STAT4: variants seen among roughly 807,000 people sequenced by gnomAD.
STAT4 encodes signal transducer and activator of transcription 4.
A neutral mutation model predicts 110.5 loss-of-function variants in STAT4; 42 were observed. The observed-to-expected ratio is 0.38, with a 90% confidence interval of 0.30 to 0.49. STAT4 has a LOEUF of 0.49. STAT4 is among the 20% of genes least tolerant of loss of function. The probability of loss-of-function intolerance (pLI) is 0.95; values close to 1 mark genes in which losing one functional copy is unlikely to be tolerated. For synonymous variants in STAT4, 284 were observed against 302.2 expected (o/e 0.94, Z 0.63); for missense variants, 632 against 887.9 (o/e 0.71, Z 3.66).
At chr2:191,079,732 T>C (rs1285319882) in intron 3 of STAT4, among the ~76,000 whole-genome samples, 1 of 152,090 alleles carries the variant, frequency 6.6e-6, no homozygotes, top group African/African-American at 2.4e-5. Context: ...TTTCTATACA[T>C]AGGGATTTTC....
In STAT4 at chr2:191,073,082, G is replaced by A. The variant is rs1471385140; in HGVS notation, c.465+16C>T. On this transcript the variant is annotated intron_variant, in intron 5 of 23. Transcript: ENST00000392320. ...CAGTATCTAGACTTTCTAGGTATCT[G>A]TATAAAAGCACTTACCTGCACACTG... 2 of 1,610,302 alleles carry A rather than the reference G, an allele frequency of 1.2e-6. No homozygotes were observed. The highest frequency in any genetic ancestry group is 3.3e-5 in the Admixed American group (2 of 59,966).
rs1010475076 is a variant in STAT4, at chr2:191,113,771, T to G, written c.273+32842A>C. Among the ~76,000 whole-genome samples the G allele has an allele frequency of 7.9e-5, 12 of 152,296 alleles. No homozygotes were observed. The highest frequency in any genetic ancestry group is 3.4e-3 in the Middle Eastern group (1 of 294). The stretch of plus-strand genomic sequence containing the variant: ...CAGTATAAAGAAAATCTGTGAAAAT[T>G]CCTTATTTTTTAAAAGTACACTTTT... On this transcript the variant is annotated intron_variant, in intron 3 of 23. Transcript: ENST00000392320. This position sits in a 1 kb window ranked among gnomAD's most constrained non-coding sequence, Gnocchi z 4.8.
Position 191,036,531 on chromosome 2 carries a change from T to C in STAT4, c.1435-232A>G, listed in dbSNP as rs545748141. Among the ~76,000 whole-genome samples the C allele has an allele frequency of 2.0e-5, 3 of 152,282 alleles. No homozygotes were observed. In the East Asian group the frequency reaches 5.8e-4, roughly 29 times the overall value. On this transcript the variant is annotated intron_variant, in intron 16 of 23. Transcript: ENST00000392320. ...AAAACACCTAAAACTGTTCAGCAGC[T>C]TCCCAGTATGATCTCAGGAGTGGAG...
chr2:191,036,768 T>C (rs562530674), intron 16 of STAT4, among the ~76,000 whole-genome samples: 3 of 152,384 alleles, frequency 2.0e-5, no homozygotes, highest in East Asian at 3.9e-4. Flanking sequence ...AGTTGAATTC[T>C]TTCTTCTGAG....
rs115113750 is a variant in STAT4, at chr2:191,061,204, T to C, written c.1034+525A>G. Reference sequence around the variant, plus strand: ...TAGGGACATATGGAAAACTGTGGTATTGGGAGTTTTTGTGGAAAGTCTAAT... The same window carrying C: ...TAGGGACATATGGAAAACTGTGGTACTGGGAGTTTTTGTGGAAAGTCTAAT... On this transcript the variant is annotated intron_variant, in intron 10 of 23. Transcript: ENST00000392320. The surrounding 1 kb of genome is among the most constrained non-coding windows in gnomAD (Gnocchi z 6.2). Among the ~76,000 whole-genome samples, 228 of 152,294 alleles carry C rather than the reference T, an allele frequency of 1.5e-3. No individual in the cohort carries two copies. Among genetic ancestry groups the C allele is most frequent in the Middle Eastern group, 3.4e-3 (1 of 294 alleles).
In STAT4 at chr2:191,144,400, C is replaced by A. The variant is rs1699408751; in HGVS notation, c.273+2213G>T. ...TGGAAGAGCATTCCTGGCCATAGGA[C>A]CGTCATGGACAAGGCTGAGTCATTC... is the stretch of plus-strand genomic sequence containing the variant. On this transcript the variant is annotated intron_variant, in intron 3 of 23. Transcript: ENST00000392320. The surrounding 1 kb of genome is among the most constrained non-coding windows in gnomAD (Gnocchi z 4.7). Among the ~76,000 whole-genome samples the A allele has an allele frequency of 6.6e-6, 1 of 152,042 alleles. No homozygotes were observed. The highest frequency in any genetic ancestry group is 2.4e-5 in the African/African-American group (1 of 41,372).
At position 191,039,443 on chromosome 2, in the gene STAT4, G is replaced by A; in HGVS notation, c.1336-146C>T. ...TCCATGGTGCCCTGGTCACTGAAAT[G>A]ACTTGTGAAGGCCATGGAACTTTCT... On this transcript the variant is annotated intron_variant, in intron 15 of 23. Coordinates refer to ENST00000392320, the MANE Select transcript of STAT4 (RefSeq NM_003151.4). The surrounding 1 kb of genome is among the most constrained non-coding windows in gnomAD (Gnocchi z 4.7). 1.5e-6 allele frequency: 1 copy of A among 661,584 alleles called. No individual in the cohort carries two copies. The highest frequency in any genetic ancestry group is 1.8e-5 in the African/African-American group (1 of 56,040). The allele number at this position is 661,584 out of a possible 1,614,324, so 41.0% of individuals were successfully genotyped here.
chr2:191,074,988 T>C (rs1222018638), intron 4 of STAT4, among the ~76,000 whole-genome samples: 1 of 152,058 alleles, frequency 6.6e-6, no homozygotes, highest in Admixed American at 6.6e-5. Context: ...TAGTGAAATC[T>C]GTCTCTACTA....
Position 191,061,651 on chromosome 2 carries a change from A to G in STAT4, c.1034+78T>C, listed in dbSNP as rs980012258. On this transcript the variant is annotated intron_variant, in intron 10 of 23. Coordinates refer to ENST00000392320, the MANE Select transcript of STAT4 (RefSeq NM_003151.4). This position sits in a 1 kb window ranked among gnomAD's most constrained non-coding sequence, Gnocchi z 6.2. ...AAAGAACAGCTGAATGCAAGCCACAATGAGAGAAATTGGCCTTGATCATCC... is the reference window on the plus strand; with the variant it reads ...AAAGAACAGCTGAATGCAAGCCACAGTGAGAGAAATTGGCCTTGATCATCC... 12 of 1,311,544 alleles carry G rather than the reference A, an allele frequency of 9.1e-6. No individual in the cohort carries two copies. Among genetic ancestry groups the G allele is most frequent in the Non-Finnish European group, 1.1e-5 (10 of 905,532 alleles). The allele number at this position is 1,311,544 out of a possible 1,614,324, so 81.2% of individuals were successfully genotyped here.
In STAT4 at chr2:191,107,986, A is replaced by T. The variant is rs1698325410; in HGVS notation, c.274-31661T>A. Reference sequence around the variant, plus strand: ...TAATCCTTGAAGCACACCAAGAATGAAAGAAAGACATTATCCATTGTTGGC... The same window carrying T: ...TAATCCTTGAAGCACACCAAGAATGTAAGAAAGACATTATCCATTGTTGGC... On this transcript the variant is annotated intron_variant, in intron 3 of 23. Coordinates refer to ENST00000392320, the MANE Select transcript of STAT4 (RefSeq NM_003151.4). This position sits in a 1 kb window ranked among gnomAD's most constrained non-coding sequence, Gnocchi z 4.2. Among the ~76,000 whole-genome samples, 2 of 152,144 alleles carry T rather than the reference A, an allele frequency of 1.3e-5. No individual in the cohort carries two copies. Among genetic ancestry groups the T allele is most frequent in the Non-Finnish European group, 2.9e-5 (2 of 68,024 alleles).
chr2:191,111,775 G>A (rs1056792725), intron 3 of STAT4, among the ~76,000 whole-genome samples: 1 of 152,214 alleles, frequency 6.6e-6, no homozygotes, highest in Non-Finnish European at 1.5e-5. Context: ...TGGGAGGAGT[G>A]CTTGAACCCA....
Position 191,143,848 on chromosome 2 carries a change from T to A in STAT4, c.273+2765A>T, listed in dbSNP as rs1201393274. ...GATCTTATTTTTTAAAAAAGACTCA[T>A]CATACCACCCTTCCCCGCAAAAAAC... On this transcript the variant is annotated intron_variant, in intron 3 of 23. Coordinates refer to ENST00000392320, the MANE Select transcript of STAT4 (RefSeq NM_003151.4). This position sits in a 1 kb window ranked among gnomAD's most constrained non-coding sequence, Gnocchi z 5.6. Among the ~76,000 whole-genome samples the A allele has an allele frequency of 8.6e-5, 13 of 151,850 alleles. No homozygotes were observed.
At chr2:191,130,220 C>CTTTTT (rs34523590) in intron 3 of STAT4, among the ~76,000 whole-genome samples, 1 of 115,828 alleles carries the variant, frequency 8.6e-6, no homozygotes, top group African/African-American at 3.0e-5. Flanking sequence ...GTCTATCTCC[C>CTTTTT]TTTTTTTTTT....
intron 15 of STAT4, among the ~76,000 whole-genome samples, chr2:191,040,339 T>C (rs1001748761): frequency 1.3e-5 from 2 of 152,124 alleles, no homozygotes; most frequent in Non-Finnish European, 2.9e-5. Flanking sequence ...CTTCTGTGAG[T>C]TTTTATGTAA....
chr2:191,059,471 A>G lies in STAT4; in HGVS notation c.1035-702T>C, dbSNP rs1696791255. ...GTGCAGTTTCAGAGATAGTCATTCA[A>G]TCCCTCACACATTCATTCATTTACT... On this transcript the variant is annotated intron_variant, in intron 10 of 23. Transcript: ENST00000392320. The surrounding 1 kb of genome is among the most constrained non-coding windows in gnomAD (Gnocchi z 4.7). 6.6e-6 allele frequency among the ~76,000 whole-genome samples: 1 copy of G among 152,098 alleles called. No homozygotes were observed. Among genetic ancestry groups the G allele is most frequent in the Non-Finnish European group, 1.5e-5 (1 of 68,010 alleles).
At chr2:191,052,297 T>C (rs1030070558) in intron 14 of STAT4, among the ~76,000 whole-genome samples, 3 of 152,202 alleles carry the variant, frequency 2.0e-5, no homozygotes, top group African/African-American at 7.2e-5. Flanking sequence ...GTTCAATCTG[T>C]GGTTTGTTTT....
At chr2:191,121,795 G>T (rs75592173) in intron 3 of STAT4, among the ~76,000 whole-genome samples, 1 of 120,880 alleles carries the variant, frequency 8.3e-6, no homozygotes, top group Non-Finnish European at 1.7e-5. Flanking sequence ...GGGGGAGGGG[G>T]GAGGGAAAGC....
chr2:191,039,414 G>T lies in STAT4; in HGVS notation c.1336-117C>A. ...AAGCCAGCCCCACACCTCCAGTCCT[G>T]ATGTCCATGGTGCCCTGGTCACTGA... On this transcript the variant is annotated intron_variant, in intron 15 of 23. Coordinates refer to ENST00000392320, the MANE Select transcript of STAT4 (RefSeq NM_003151.4). The surrounding 1 kb of genome is among the most constrained non-coding windows in gnomAD (Gnocchi z 4.7). 1 of 784,588 alleles carries T rather than the reference G, an allele frequency of 1.3e-6. No homozygotes were observed. Among genetic ancestry groups the T allele is most frequent in the Admixed American group, 2.0e-5 (1 of 50,106 alleles). 48.6% of individuals were successfully genotyped at this position (784,588 alleles called of 1,614,324 possible).
At chr2:191,108,247 C>T (rs1007961368) in intron 3 of STAT4, among the ~76,000 whole-genome samples, 4 of 150,832 alleles carry the variant, frequency 2.7e-5, no homozygotes, top group Admixed American at 2.6e-4. Flanking sequence ...GCCGAGATCG[C>T]GCCACTACGC....
Sources: allele counts gnomAD v4.1 joint callset (sites outside exome capture counted in the v4.1 genomes callset), GRCh38; gene constraint gnomAD v4.1.1; non-coding constraint Gnocchi (gnomAD v3.1); transcripts MANE v1.5; gene names NCBI Gene and HGNC (gene_info 2026-07-23, HGNC 2026-07-21).